Variants in SEZ6L observed in about 807,000 individuals in gnomAD.
SEZ6L encodes seizure related 6 homolog like.
In SEZ6L, 37 loss-of-function variants were observed where a neutral mutation model predicts 106.2. The ratio of observed to expected loss-of-function variants is 0.35; its 90% CI spans 0.27 to 0.46. The LOEUF (loss-of-function observed/expected upper bound fraction) is 0.46. SEZ6L is among the 20% of genes least tolerant of loss of function. SEZ6L has a pLI of 1.00. For synonymous variants in SEZ6L, 541 were observed against 570.4 expected, an observed-to-expected ratio of 0.95 and a Z score of 0.73; for missense variants, 1,172 against 1,332.8, an observed-to-expected ratio of 0.88 and a Z score of 1.88.
At chr22:26,189,797 C>T (rs1940050762) in intron 1 of SEZ6L, among the ~76,000 whole-genome samples, 1 of 152,158 alleles carries the variant, frequency 6.6e-6, no homozygotes, top group Non-Finnish European at 1.5e-5. Flanking sequence ...GAATGAGGGA[C>T]TCTTCCATGA....
chr22:26,249,219 A>G (rs1039084425), intron 1 of SEZ6L, among the ~76,000 whole-genome samples: 3 of 152,204 alleles, frequency 2.0e-5, no homozygotes, highest in East Asian at 1.9e-4. Context: ...TATACAATCA[A>G]TTGTTAATTA....
chr22:26,169,481 G>A lies in SEZ6L; in HGVS notation c.-189G>A, dbSNP rs1938411991. The A allele has an allele frequency of 2.9e-6, 1 of 340,222 alleles. No homozygotes were observed. 21.1% of individuals were successfully genotyped at this position (340,222 alleles called of 1,614,324 possible). On this transcript the variant is annotated 5_prime_UTR_variant, in exon 1 of 17. Transcript: ENST00000248933. ...CTCCTCACTCGCCCGCCCGCGCCCG[G>A]CGCAGCTCGGCCAGAGCGACCGCGG... is the stretch of plus-strand genomic sequence containing the variant.
chr22:26,313,946 G>A (rs199523192), intron 9 of SEZ6L, 44 bp downstream of exon 9: 10 of 1,577,648 alleles, frequency 6.3e-6, no homozygotes, highest in Non-Finnish European at 8.7e-6. Context: ...GCAAAATTTG[G>A]GAGATTGAGA....
intron 1 of SEZ6L, among the ~76,000 whole-genome samples, chr22:26,270,353 A>C (rs1431527319): frequency 6.6e-6 from 1 of 152,134 alleles, no homozygotes; most frequent in Non-Finnish European, 1.5e-5. Flanking sequence ...TAAAATAAGA[A>C]TTCCTTTGCA....
chr22:26,325,733 A>T (rs1237618598), intron 9 of SEZ6L, among the ~76,000 whole-genome samples: 2 of 142,152 alleles, frequency 1.4e-5, no homozygotes, highest in African/African-American at 5.4e-5. Context: ...TTCATCTTTC[A>T]AATGAAAATA....
At chr22:26,369,289 G>A (rs1199391092) in intron 13 of SEZ6L, among the ~76,000 whole-genome samples, 6 of 150,882 alleles carry the variant, frequency 4.0e-5, no homozygotes, top group Non-Finnish European at 8.8e-5. Context: ...AATCTTACCA[G>A]GTATCAAGCA....
At chr22:26,255,418 A>G (rs974789385) in intron 1 of SEZ6L, among the ~76,000 whole-genome samples, 1 of 152,154 alleles carries the variant, frequency 6.6e-6, no homozygotes, top group Non-Finnish European at 1.5e-5. Context: ...ACAATTTGAG[A>G]TTTCAAAGTG....
At chr22:26,210,973 C>G (rs1399299315) in intron 1 of SEZ6L, among the ~76,000 whole-genome samples, 4 of 152,200 alleles carry the variant, frequency 2.6e-5, no homozygotes, top group Non-Finnish European at 4.4e-5. Context: ...TAGCCTGCCC[C>G]TTAATTTGGC....
At chr22:26,339,464 T>C (rs1252629048) in intron 9 of SEZ6L, among the ~76,000 whole-genome samples, 1 of 152,252 alleles carries the variant, frequency 6.6e-6, no homozygotes, top group African/African-American at 2.4e-5. Context: ...TTCTGTGGTA[T>C]AGTGAAGTGA....
At chr22:26,327,304 CAT>C (rs1262539622) in intron 9 of SEZ6L, among the ~76,000 whole-genome samples, 12 of 147,026 alleles carry the variant, frequency 8.2e-5, no homozygotes, top group African/African-American at 2.5e-4. Flanking sequence ...ACCACACACA[CAT>C]GACACTACAC....
At chr22:26,253,329 C>T (rs1182011448) in intron 1 of SEZ6L, among the ~76,000 whole-genome samples, 1 of 152,172 alleles carries the variant, frequency 6.6e-6, no homozygotes, top group African/African-American at 2.4e-5. Flanking sequence ...TGTTCCCCTG[C>T]CTCTGGAACC....
At chr22:26,249,477 G>A (rs2079491607) in intron 1 of SEZ6L, among the ~76,000 whole-genome samples, 1 of 152,072 alleles carries the variant, frequency 6.6e-6, no homozygotes, top group African/African-American at 2.4e-5. Context: ...GCTTATCCTT[G>A]TTACCTCCAA....
intron 5 of SEZ6L, 126 bp downstream of exon 5, chr22:26,299,295 A>G (rs555920260): frequency 3.9e-5 from 24 of 622,082 alleles, no homozygotes; most frequent in African/African-American, 3.0e-4. Flanking sequence ...TGCTCCAAAT[A>G]TGGATGACTA....
chr22:26,285,954 C>A (rs191980120), intron 1 of SEZ6L, among the ~76,000 whole-genome samples: 1 of 152,154 alleles, frequency 6.6e-6, no homozygotes, highest in Non-Finnish European at 1.5e-5. Flanking sequence ...TCTCCAGGAG[C>A]CTTTTGATCT....
intron 1 of SEZ6L, among the ~76,000 whole-genome samples, chr22:26,262,284 C>CTA (rs2080040910): frequency 1.3e-5 from 2 of 149,678 alleles, no homozygotes; most frequent in Admixed American, 6.7e-5. Context: ...ATCTATCTAT[C>CTA]TCTTTTAAAA....
chr22:26,308,162 G>T (rs2081696404), intron 6 of SEZ6L, among the ~76,000 whole-genome samples: 1 of 152,128 alleles, frequency 6.6e-6, no homozygotes, highest in Non-Finnish European at 1.5e-5. Flanking sequence ...TATGTCAGTT[G>T]CAAGAACTCA....
Position 26,380,474 on chromosome 22 carries a change from G to C in SEZ6L, c.*179G>C. The C allele has an allele frequency of 2.1e-6, 1 of 485,336 alleles. No homozygotes were observed. The highest frequency in any genetic ancestry group is 4.9e-5 in the South Asian group (1 of 20,420). 30.1% of individuals were successfully genotyped at this position (485,336 alleles called of 1,614,324 possible). A position where few individuals can be genotyped will look rare whatever the true frequency, so the allele number is the denominator to read the frequency against. On this transcript the variant is annotated 3_prime_UTR_variant, in exon 17 of 17. Coordinates refer to ENST00000248933, the MANE Select transcript of SEZ6L (RefSeq NM_021115.5). ...ATTTATTATATTTAAAAGTGAAATA[G>C]GTGTGGGTTTGGATGTTTCGCGGCC...
chr22:26,185,115 T>C (rs1021300722), intron 1 of SEZ6L, among the ~76,000 whole-genome samples: 8 of 152,156 alleles, frequency 5.3e-5, no homozygotes, highest in African/African-American at 1.9e-4. Context: ...TCTGTGATAG[T>C]AAACAAGATT....
intron 1 of SEZ6L, among the ~76,000 whole-genome samples, chr22:26,176,461 C>T (rs1340247313): frequency 3.9e-5 from 6 of 152,254 alleles, no homozygotes; most frequent in Admixed American, 2.6e-4. Flanking sequence ...TTATCCCAGC[C>T]TCTTTCATAC....
Sources: gnomAD v4.1 joint callset for allele counts (sites outside exome capture counted in the v4.1 genomes callset) on GRCh38, gnomAD v4.1.1 for gene constraint, MANE v1.5 for transcripts, NCBI Gene and HGNC (gene_info 2026-07-23, HGNC 2026-07-21) for gene names.